The following STK32B variants were observed in gnomAD, a reference collection of about 807,000 sequenced individuals.
The protein encoded by STK32B is serine/threonine kinase 32B.
Under a neutral mutation model 52.6 loss-of-function variants are expected in STK32B, and 43 were observed. The ratio of observed to expected loss-of-function variants is 0.82; its 90% CI spans 0.64 to 1.05. The LOEUF is 1.05. Ranked by LOEUF, STK32B falls within the 50% of genes least tolerant of loss-of-function variation. STK32B has a pLI of 0.00. For missense variants in STK32B, 621 were observed against 534.6 expected (o/e 1.16, Z -1.59); for synonymous variants, 238 against 204.3 (o/e 1.17, Z -1.41).
intron 3 of STK32B, among the ~76,000 whole-genome samples, chr4:5,256,772 G>A (rs137885972): frequency 6.6e-6 from 1 of 152,174 alleles, no homozygotes; most frequent in Admixed American, 6.5e-5. Context: ...GATGGACTAG[G>A]CTTCTTGGAT....
At chr4:5,050,923 T>G (rs555731736), upstream of STK32B, among the ~76,000 whole-genome samples, 1 of 152,186 alleles carries the variant, frequency 6.6e-6, no homozygotes, top group Non-Finnish European at 1.5e-5. Context: ...CCAGGGAGAA[T>G]GGTTTGGGGC....
intron 4 of STK32B, among the ~76,000 whole-genome samples, chr4:5,357,824 C>T (rs1312924236): frequency 6.6e-6 from 1 of 151,294 alleles, no homozygotes; most frequent in Non-Finnish European, 1.5e-5. Flanking sequence ...TCCCAGATAG[C>T]TCCCCACCAC....
chr4:5,262,635 A>AG (rs1726791832), intron 3 of STK32B, among the ~76,000 whole-genome samples: 1 of 143,826 alleles, frequency 7.0e-6, no homozygotes, highest in African/African-American at 2.9e-5. Flanking sequence ...AAAAAAAAAA[A>AG]AAAAATGGCA....
At chr4:5,464,011 C>T (rs1717235757) in intron 9 of STK32B, among the ~76,000 whole-genome samples, 2 of 152,206 alleles carry the variant, frequency 1.3e-5, no homozygotes, top group African/African-American at 4.8e-5. Flanking sequence ...GCACCTGCAT[C>T]AGCTTTGCTT....
At chr4:5,196,723 A>AAAAATAAAAT (rs57722522) in intron 3 of STK32B, among the ~76,000 whole-genome samples, 16,007 of 145,366 alleles carry the variant, frequency 0.11, 949 homozygotes, top group Middle Eastern at 0.14. Flanking sequence ...TCTGTCTCAA[A>AAAAATAAAAT]AAAATAAAAT....
At chr4:5,340,148 T>G (rs1732979239) in intron 4 of STK32B, among the ~76,000 whole-genome samples, 1 of 152,226 alleles carries the variant, frequency 6.6e-6, no homozygotes, top group Non-Finnish European at 1.5e-5. Flanking sequence ...TGGGCCAGGC[T>G]GTGTACCAGC....
chr4:5,060,093 A>G (rs1013449750), intron 1 of STK32B, among the ~76,000 whole-genome samples: 1 of 152,126 alleles, frequency 6.6e-6, no homozygotes, highest in Non-Finnish European at 1.5e-5. Flanking sequence ...CGGCCTCCCG[A>G]GTAGCTGGGA....
At chr4:5,444,270 C>T (rs2109116502) in intron 6 of STK32B, among the ~76,000 whole-genome samples, 1 of 152,336 alleles carries the variant, frequency 6.6e-6, no homozygotes, top group African/African-American at 2.4e-5. Flanking sequence ...GGGTGTAGGA[C>T]CCTCCAAGTC....
intron 1 of STK32B, among the ~76,000 whole-genome samples, chr4:5,126,249 G>A (rs1715357817): frequency 6.6e-6 from 1 of 152,154 alleles, no homozygotes; most frequent in Non-Finnish European, 1.5e-5. Flanking sequence ...CTCCTCTTAG[G>A]ATAGTCCTTG....
chr4:5,438,567 G>A (rs1714354551), intron 6 of STK32B, among the ~76,000 whole-genome samples: 1 of 152,190 alleles, frequency 6.6e-6, no homozygotes, highest in South Asian at 2.1e-4. Context: ...GCATGGCAGA[G>A]GAAGCGGAGG....
chr4:5,417,619 G>A (rs1395705029), intron 6 of STK32B, among the ~76,000 whole-genome samples: 1 of 151,864 alleles, frequency 6.6e-6, no homozygotes. Context: ...TTCTCCCTAA[G>A]TTCTCCCACC....
At chr4:5,026,602 G>A in the STK32B span, among the ~76,000 whole-genome samples, 1 of 152,294 alleles carries the variant, frequency 6.6e-6, no homozygotes, top group Non-Finnish European at 1.5e-5. Flanking sequence ...TCGACACATG[G>A]GGATTATTAC....
chr4:5,469,204 C>G lies in STK32B; in HGVS notation c.1106+1134C>G, dbSNP rs191561754. ...CAAATCAGAGATGCTTCCTGCCCTCCAGGAGATTCAAATATTGATTGACTC... is the reference window on the plus strand; with the variant it reads ...CAAATCAGAGATGCTTCCTGCCCTCGAGGAGATTCAAATATTGATTGACTC... On this transcript the variant is annotated intron_variant, in intron 11 of 11. Coordinates refer to ENST00000282908, the MANE Select transcript of STK32B (RefSeq NM_018401.3). This position sits in a 1 kb window ranked among gnomAD's most constrained non-coding sequence, Gnocchi z 4.7. Among the ~76,000 whole-genome samples, 82 of 152,336 alleles carry G rather than the reference C, an allele frequency of 5.4e-4. No individual in the cohort carries two copies. The highest frequency in any genetic ancestry group is 1.9e-3 in the African/African-American group (79 of 41,570).
At chr4:5,485,283 G>T (rs1259806615) in intron 11 of STK32B, among the ~76,000 whole-genome samples, 2 of 151,890 alleles carry the variant, frequency 1.3e-5, no homozygotes, top group African/African-American at 4.8e-5. Context: ...AGGCTTTCTC[G>T]TTTCTTTTTA....
chr4:5,266,093 C>T (rs1292899564), intron 3 of STK32B, among the ~76,000 whole-genome samples: 1 of 152,114 alleles, frequency 6.6e-6, no homozygotes, highest in African/African-American at 2.4e-5. Context: ...CATGTAGTCT[C>T]CCAATAATCA....
rs1166785686 is a variant in STK32B at position 5,317,384 on chromosome 4, CAT to C, written c.261-13828_261-13827del. Among the ~76,000 whole-genome samples, 59 of 69,524 alleles carry C rather than the reference CAT, an allele frequency of 8.5e-4. 8 individuals are homozygous for C. The highest frequency in any genetic ancestry group is 0.017 in the Middle Eastern group (2 of 118). The allele number at this position is 69,524 out of a possible 152,430, so 45.6% of individuals were successfully genotyped here. A position where few individuals can be genotyped will look rare whatever the true frequency, so the allele number is the denominator to read the frequency against. ...TAATGTATATGTATTATATATATTA[CAT>C]ATATATAATATATATAATGTATATG... On this transcript the variant is annotated intron_variant, in intron 3 of 11. Transcript: ENST00000282908.
intron 3 of STK32B, 151 bp from the exon 4 acceptor site, chr4:5,331,069 C>T: frequency 1.6e-6 from 1 of 636,956 alleles, no homozygotes; most frequent in Non-Finnish European, 2.5e-6. Flanking sequence ...AGCCTTTTCC[C>T]CTTCCCCTCC....
intron 2 of STK32B, among the ~76,000 whole-genome samples, chr4:5,149,727 T>C (rs1717191826): frequency 6.6e-6 from 1 of 151,876 alleles, no homozygotes; most frequent in Admixed American, 6.5e-5. Flanking sequence ...AAAATATATA[T>C]GTATAATTAA....
At chr4:5,162,249 C>T (rs62290493) in intron 2 of STK32B, among the ~76,000 whole-genome samples, 5,799 of 152,232 alleles carry the variant, frequency 0.038, 315 homozygotes, top group Admixed American at 0.16. Context: ...GTGAAGACAC[C>T]GAACGAGGAC....
Sources: allele counts gnomAD v4.1 joint callset (sites outside exome capture counted in the v4.1 genomes callset), GRCh38; gene constraint gnomAD v4.1.1; non-coding constraint Gnocchi (gnomAD v3.1); transcripts MANE v1.5; gene names NCBI Gene and HGNC (gene_info 2026-07-23, HGNC 2026-07-21).